The following PRKG1 variants were observed in gnomAD, a reference collection of about 807,000 sequenced individuals.
PRKG1 encodes protein kinase cGMP-dependent 1.
A neutral mutation model predicts 88.1 loss-of-function variants in PRKG1; 35 were observed. The observed-to-expected ratio is 0.40, with a 90% confidence interval of 0.30 to 0.53. The LOEUF (loss-of-function observed/expected upper bound fraction) is 0.53. PRKG1 is among the 20% of genes least tolerant of loss of function. The pLI is 0.59. For missense variants in PRKG1, 540 were observed against 839.8 expected (o/e 0.64, Z 4.41); for synonymous variants, 303 against 292.5 (o/e 1.04, Z -0.37).
chr10:51,570,830 T>C (rs1837734094), intron 3 of PRKG1, among the ~76,000 whole-genome samples: 1 of 151,920 alleles, frequency 6.6e-6, no homozygotes, highest in Non-Finnish European at 1.5e-5. Context: ...ACTTTGTCAT[T>C]GTTTGTACTA....
At position 51,205,127 on chromosome 10, in the gene PRKG1, C is replaced by CTTT. The variant is rs58176913; in HGVS notation, c.478+51825_478+51827dup. 6.6e-4 allele frequency among the ~76,000 whole-genome samples: 42 copies of CTTT among 64,004 alleles called. 3 individuals carry two copies. Among genetic ancestry groups the CTTT allele is most frequent in the African/African-American group, 1.7e-3 (29 of 17,264 alleles). The allele number at this position is 64,004 out of a possible 152,430, so 42.0% of individuals were successfully genotyped here. The stretch of plus-strand genomic sequence containing the variant: ...TAAGGAAGAATTTTCATTTTCTTTT[C>CTTT]TTTTTTTTTTTTTTTTTTTTTTTTT... On this transcript the variant is annotated intron_variant, in intron 2 of 17. Transcript: ENST00000373980.
intron 6 of PRKG1, among the ~76,000 whole-genome samples, chr10:52,056,036 C>A (rs1846103427): frequency 6.6e-6 from 1 of 152,106 alleles, no homozygotes; most frequent in African/African-American, 2.4e-5. Flanking sequence ...TATTCCTATT[C>A]TTTTGACTGA....
intron 5 of PRKG1, among the ~76,000 whole-genome samples, chr10:51,982,189 C>T (rs1466668214): frequency 1.3e-5 from 2 of 152,076 alleles, no homozygotes; most frequent in African/African-American, 2.4e-5. Context: ...TCTATACTGG[C>T]TATTTTGTCT....
intron 2 of PRKG1, among the ~76,000 whole-genome samples, chr10:51,375,782 T>TG (rs1842805731): frequency 1.3e-4 from 18 of 142,072 alleles, no homozygotes; most frequent in Admixed American, 2.0e-4. Flanking sequence ...TTATATAAAG[T>TG]GATCAGGGTA....
intron 10 of PRKG1, among the ~76,000 whole-genome samples, chr10:52,270,035 A>C (rs1453373544): frequency 6.6e-6 from 1 of 152,130 alleles, no homozygotes; most frequent in African/African-American, 2.4e-5. Context: ...AAGAAAAACA[A>C]ACGGTTTTCA....
chr10:51,800,915 G>A (rs888694918), intron 3 of PRKG1, among the ~76,000 whole-genome samples: 2 of 152,078 alleles, frequency 1.3e-5, no homozygotes, highest in African/African-American at 4.8e-5. Context: ...ATTGGGGATA[G>A]GGCTTCAACG....
At chr10:51,486,129 CAT>C (rs1564518739) in intron 3 of PRKG1, among the ~76,000 whole-genome samples, 2 of 152,152 alleles carry the variant, frequency 1.3e-5, no homozygotes, top group African/African-American at 4.8e-5. Context: ...GATAAGAACA[CAT>C]ACCAGAATAT....
At position 51,016,669 on chromosome 10, in the gene PRKG1, C is replaced by CTTTTTTTTTTTTTTTT. The variant is rs1323068893; in HGVS notation, c.266+25028_266+25029insTTTTTTTTTTTTTTTT. 1.1e-3 allele frequency among the ~76,000 whole-genome samples: 24 copies of CTTTTTTTTTTTTTTTT among 22,748 alleles called. 1 individual carries two copies. The highest frequency in any genetic ancestry group is 2.1e-3 in the Admixed American group (4 of 1,944). The allele number at this position is 22,748 out of a possible 152,430, so 14.9% of individuals were successfully genotyped here. A position where few individuals can be genotyped will look rare whatever the true frequency, so the allele number is the denominator to read the frequency against. ...ACCCAGTGAAGAAGGTATTATTATC[C>CTTTTTTTTTTTTTTTT]TTTCTTTTTTTTTTTTTTTTTTTGG... On this transcript the variant is annotated intron_variant, in intron 1 of 17. Coordinates refer to the PRKG1 transcript ENST00000401604.
chr10:51,358,022 G>T (rs545551473), intron 2 of PRKG1, among the ~76,000 whole-genome samples: 1 of 151,434 alleles, frequency 6.6e-6, no homozygotes, highest in African/African-American at 2.4e-5. Context: ...AATAAATTAC[G>T]CCAAAACTTA....
chr10:51,163,816 A>G (rs1846441452), intron 2 of PRKG1, among the ~76,000 whole-genome samples: 1 of 152,160 alleles, frequency 6.6e-6, no homozygotes, highest in South Asian at 2.1e-4. Flanking sequence ...CTGAGATCAA[A>G]CTGCAAGGCC....
intron 8 of PRKG1, among the ~76,000 whole-genome samples, chr10:52,136,645 A>G (rs181021091): frequency 6.6e-6 from 1 of 152,160 alleles, no homozygotes; most frequent in African/African-American, 2.4e-5. Context: ...TGTCTGAAAA[A>G]TTGGATAACA....
chr10:51,684,911 T>A (rs1275827286), intron 3 of PRKG1, among the ~76,000 whole-genome samples: 1 of 152,184 alleles, frequency 6.6e-6, no homozygotes, highest in East Asian at 1.9e-4. Context: ...TTATAAATTA[T>A]TGTTATTCCA....
At chr10:51,695,795 C>T (rs2132401407) in intron 3 of PRKG1, 1 of 152,236 alleles carries the variant, frequency 6.6e-6, no homozygotes, top group Admixed American at 6.5e-5. Context: ...CAAAGAATTA[C>T]TAATTTAAAG....
intron 5 of PRKG1, among the ~76,000 whole-genome samples, chr10:51,917,302 G>A (rs1175724321): frequency 7.1e-6 from 1 of 140,904 alleles, no homozygotes; most frequent in Non-Finnish European, 1.5e-5. Context: ...CTGAGCAACA[G>A]AGCAAGACTC....
At chr10:51,550,385 A>G (rs1837098865) in intron 3 of PRKG1, among the ~76,000 whole-genome samples, 1 of 152,010 alleles carries the variant, frequency 6.6e-6, no homozygotes, top group Non-Finnish European at 1.5e-5. Flanking sequence ...TTTTAAAATT[A>G]GTTTTTTTTA....
intron 3 of PRKG1, among the ~76,000 whole-genome samples, chr10:51,619,923 C>T (rs989554061): frequency 8.6e-5 from 13 of 152,046 alleles, no homozygotes; most frequent in African/African-American, 3.1e-4. Flanking sequence ...TGTATGAGTC[C>T]TAACTGTAGT....
Position 51,517,916 on chromosome 10 carries a change from C to T in PRKG1, c.592+50080C>T, listed in dbSNP as rs564966691. 9.2e-5 allele frequency among the ~76,000 whole-genome samples: 14 copies of T among 152,310 alleles called. No homozygotes were observed. The South Asian group carries it at 2.7e-3, about 29-fold the overall frequency. ...AAGTTCTGATCTATTTCTGTTTCAC[C>T]TTTATTCTCATGATGCAGCCCTAAG... On this transcript the variant is annotated intron_variant, in intron 3 of 17. Coordinates refer to ENST00000373980, the MANE Select transcript of PRKG1 (RefSeq NM_006258.4).
At chr10:51,018,210 C>T (rs575185260) in intron 1 of PRKG1, among the ~76,000 whole-genome samples, 83 of 152,272 alleles carry the variant, frequency 5.5e-4, no homozygotes, top group Admixed American at 9.2e-4. Context: ...ATCTTTATTT[C>T]CCCTTTATTG....
intron 3 of PRKG1, among the ~76,000 whole-genome samples, chr10:51,645,169 CAT>C (rs1430985863): frequency 8.5e-5 from 13 of 152,154 alleles, no homozygotes; most frequent in Admixed American, 8.5e-4. Context: ...AGTTTTTAAA[CAT>C]GTTTATCTTT....
Sources: allele counts gnomAD v4.1 joint callset (sites outside exome capture counted in the v4.1 genomes callset), GRCh38; gene constraint gnomAD v4.1.1; transcripts MANE v1.5; gene names NCBI Gene and HGNC (gene_info 2026-07-23, HGNC 2026-07-21).